PARD3B: variants seen among roughly 807,000 people sequenced by gnomAD.
PARD3B encodes the protein par-3 family cell polarity regulator beta.
In PARD3B, 103 loss-of-function variants were observed where a neutral mutation model predicts 130.2. The ratio of observed to expected loss-of-function variants is 0.79; its 90% confidence interval spans 0.67 to 0.93. The LOEUF is 0.93. PARD3B is among the 40% of genes least tolerant of loss of function. The pLI is 0.00. For synonymous variants in PARD3B, 583 were observed against 553.2 expected, an observed-to-expected ratio of 1.05 and a Z score of -0.76; for missense variants, 1,609 against 1,499.2, an observed-to-expected ratio of 1.07 and a Z score of -1.21.
intron 2 of PARD3B, among the ~76,000 whole-genome samples, chr2:204,901,202 G>C (rs1301320077): frequency 6.6e-6 from 1 of 152,074 alleles, no homozygotes; most frequent in Non-Finnish European, 1.5e-5. Context: ...ATTTCCCCTT[G>C]GTCCCAGGTG....
At chr2:205,181,193 C>T (rs1237757446) in intron 13 of PARD3B, among the ~76,000 whole-genome samples, 1 of 152,136 alleles carries the variant, frequency 6.6e-6, no homozygotes, top group Non-Finnish European at 1.5e-5. Context: ...TGACCTGTCT[C>T]TCTGGATCCG....
intron 2 of PARD3B, among the ~76,000 whole-genome samples, chr2:204,952,978 C>T (rs1312751215): frequency 7.5e-6 from 1 of 133,170 alleles, no homozygotes; most frequent in Admixed American, 8.6e-5. Context: ...GCCTGGGCGA[C>T]AGTGCGAGAC....
rs559430192 is a variant in PARD3B, at chr2:205,275,786, G to A, written c.2186-24744G>A. On this transcript the variant is annotated intron_variant, in intron 16 of 22. Transcript: ENST00000406610. ...TGGGAGGCGGAGGTTGCAGTGAGCC[G>A]AGATTGCACCATTGCACCCCAGCCT... Among the ~76,000 whole-genome samples the A allele has an allele frequency of 4.9e-4, 66 of 135,564 alleles. 1 individual carries two copies. Among genetic ancestry groups the A allele is most frequent in the African/African-American group, 1.8e-3 (63 of 34,958 alleles). 88.9% of individuals were successfully genotyped at this position (135,564 alleles called of 152,430 possible).
At chr2:205,130,803 A>T (rs1354656871) in intron 10 of PARD3B, among the ~76,000 whole-genome samples, 3 of 152,216 alleles carry the variant, frequency 2.0e-5, no homozygotes, top group Non-Finnish European at 4.4e-5. Context: ...CCTGCCTGGC[A>T]TGATTGAAAA....
rs549684214 is a variant in PARD3B at position 205,440,959 on chromosome 2, T to G, written c.3044+287T>G. On this transcript the variant is annotated intron_variant, in intron 20 of 22. Transcript: ENST00000406610. This position sits in a 1 kb window ranked among gnomAD's most constrained non-coding sequence, Gnocchi z 4.2. ...GACAGACATCTCATGAAGAAAACTTTGAACGAATATTGTCCTTTCTCCTAA... is the reference window on the plus strand; with the variant it reads ...GACAGACATCTCATGAAGAAAACTTGGAACGAATATTGTCCTTTCTCCTAA... Among the ~76,000 whole-genome samples, 1 of 152,208 alleles carries G rather than the reference T, an allele frequency of 6.6e-6. No homozygotes were observed. Among genetic ancestry groups the G allele is most frequent in the Non-Finnish European group, 1.5e-5 (1 of 68,046 alleles).
chr2:204,993,715 C>G (rs1265269146), intron 3 of PARD3B, among the ~76,000 whole-genome samples: 2 of 137,642 alleles, frequency 1.5e-5, no homozygotes, highest in African/African-American at 2.7e-5. Context: ...GTCCTGGACT[C>G]TTTTTGGTTG....
intron 15 of PARD3B, among the ~76,000 whole-genome samples, chr2:205,197,026 GGGGGGGGTGT>G (rs768467334): frequency 0.26 from 13,764 of 52,850 alleles, 883 homozygotes; most frequent in Non-Finnish European, 0.37. Flanking sequence ...TCCACTGTGG[GGGGGGGGTGT>G]GTGTGTGTGT....
chr2:204,939,299 T>C (rs1176707555), intron 2 of PARD3B, among the ~76,000 whole-genome samples: 1 of 152,166 alleles, frequency 6.6e-6, no homozygotes, highest in Non-Finnish European at 1.5e-5. Flanking sequence ...TTTTAATACC[T>C]CACATAAAAG....
rs142416340 is a variant in PARD3B, at chr2:204,555,111, G to A, written c.120+8992G>A. The stretch of plus-strand genomic sequence containing the variant: ...GAGTGTTCCTGGTAGGCAACATTTC[G>A]CACATGTGGTAAGAACTCACTGCTG... On this transcript the variant is annotated intron_variant, in intron 1 of 22. Coordinates refer to ENST00000406610, the MANE Select transcript of PARD3B (RefSeq NM_001302769.2). 7.0e-3 allele frequency among the ~76,000 whole-genome samples: 1,066 copies of A among 152,238 alleles called. 11 individuals are homozygous for A. Among genetic ancestry groups the A allele is most frequent in the African/African-American group, 0.024 (995 of 41,550 alleles).
intron 4 of PARD3B, chr2:205,103,623 A>C (rs1344693011): frequency 1.3e-6 from 1 of 787,794 alleles, no homozygotes; most frequent in Non-Finnish European, 1.5e-6. Flanking sequence ...CACGTGTAAC[A>C]ATAGTTTATT....
intron 3 of PARD3B, among the ~76,000 whole-genome samples, chr2:205,040,164 A>G (rs949431105): frequency 1.3e-5 from 2 of 152,058 alleles, no homozygotes; most frequent in South Asian, 2.1e-4. Flanking sequence ...GGGTTTCACC[A>G]TATTGGCCAG....
At chr2:205,148,485 C>T (rs1264530825) in intron 10 of PARD3B, among the ~76,000 whole-genome samples, 2 of 152,172 alleles carry the variant, frequency 1.3e-5, no homozygotes, top group Non-Finnish European at 2.9e-5. Flanking sequence ...AAAAACCTTT[C>T]ATGCTTATAA....
intron 2 of PARD3B, among the ~76,000 whole-genome samples, chr2:204,857,115 A>T (rs115885696): frequency 0.045 from 6,806 of 152,220 alleles, 211 homozygotes; most frequent in Middle Eastern, 0.095. Context: ...GAAGCCAGTG[A>T]AATTCATATT....
chr2:204,627,009 A>C (rs2034509157), intron 1 of PARD3B, among the ~76,000 whole-genome samples: 1 of 152,096 alleles, frequency 6.6e-6, no homozygotes, highest in Admixed American at 6.6e-5. Context: ...GGTTTCCTCC[A>C]TGCTGTTCTC....
intron 5 of PARD3B, among the ~76,000 whole-genome samples, chr2:205,108,832 G>T (rs966891480): frequency 6.6e-6 from 1 of 151,792 alleles, no homozygotes; most frequent in Admixed American, 6.6e-5. Context: ...GTATGATGTC[G>T]GACAAGTTAT....
rs975964111 is a variant in PARD3B at position 205,619,951 on chromosome 2, G to A, written c.*4138G>A. The A allele has an allele frequency of 6.6e-6, 1 of 152,148 alleles. No homozygotes were observed. Among genetic ancestry groups the A allele is most frequent in the African/African-American group, 2.4e-5 (1 of 41,434 alleles). The allele number at this position is 152,148 out of a possible 1,614,324, so 9.4% of individuals were successfully genotyped here. On this transcript the variant is annotated 3_prime_UTR_variant, in exon 23 of 23. Transcript: ENST00000406610. Reference sequence around the variant, plus strand: ...ACCATCACTTTTTCTGGTGTTTCCTGTGCTTTTGTGATTCCAAGTCTGTTC... The same window carrying A: ...ACCATCACTTTTTCTGGTGTTTCCTATGCTTTTGTGATTCCAAGTCTGTTC...
At position 205,180,943 on chromosome 2, in the gene PARD3B, TGAG is replaced by T. The variant is rs369030040; in HGVS notation, c.1924+4369_1924+4371del. Among the ~76,000 whole-genome samples, 796 of 152,294 alleles carry T rather than the reference TGAG, an allele frequency of 5.2e-3. 8 individuals are homozygous for T. Among genetic ancestry groups the T allele is most frequent in the African/African-American group, 0.017 (718 of 41,572 alleles). On this transcript the variant is annotated intron_variant, in intron 13 of 22. Coordinates refer to ENST00000406610, the MANE Select transcript of PARD3B (RefSeq NM_001302769.2). ...TGAAATGCACCAACACTGTATTTTCTGAGGAATCTTGCTGGCAGATCTTACCCT... is the reference window on the plus strand; with the variant it reads ...TGAAATGCACCAACACTGTATTTTCTGAATCTTGCTGGCAGATCTTACCCT...
chr2:205,147,206 A>T (rs1185649817), intron 10 of PARD3B, among the ~76,000 whole-genome samples: 1 of 152,126 alleles, frequency 6.6e-6, no homozygotes, highest in Non-Finnish European at 1.5e-5. Context: ...TAAAATTTCT[A>T]TTTGTTATTT....
At chr2:205,179,862 G>A (rs1396245339) in intron 13 of PARD3B, among the ~76,000 whole-genome samples, 1 of 143,028 alleles carries the variant, frequency 7.0e-6, no homozygotes, top group African/African-American at 2.7e-5. Flanking sequence ...CAAAAAATAA[G>A]AAAATCCACT....
Sources: gnomAD v4.1 joint callset for allele counts (sites outside exome capture counted in the v4.1 genomes callset) on GRCh38, gnomAD v4.1.1 for gene constraint, Gnocchi (gnomAD v3.1) non-coding constraint, MANE v1.5 for transcripts, NCBI Gene and HGNC (gene_info 2026-07-23, HGNC 2026-07-21) for gene names.